MAPDA: variants seen among roughly 807,000 people sequenced by gnomAD.
The protein encoded by MAPDA is N6,N6-dimethyl-AMP deaminase.
the MAPDA span, chr15:43,348,850 A>G: frequency 6.4e-7 from 1 of 1,557,558 alleles, no homozygotes; most frequent in Non-Finnish European, 8.7e-7. Context: ...ATAGAAAAAA[A>G]TACTCTTAAG....
the MAPDA span, chr15:43,352,153 A>T: frequency 2.4e-6 from 1 of 416,512 alleles, no homozygotes; most frequent in African/African-American, 2.0e-5. Flanking sequence ...GTGGGACTTG[A>T]CTGTTGTTGC....
chr15:43,341,415 G>A, the MAPDA span, among the ~76,000 whole-genome samples: 3,348 of 152,224 alleles, frequency 0.022, 54 homozygotes, highest in Middle Eastern at 0.037. Flanking sequence ...TTAAATAAAG[G>A]CTAATGGAAT....
At chr15:43,335,153 T>A in the MAPDA span, 2 of 1,613,908 alleles carry the variant, frequency 1.2e-6, no homozygotes, top group South Asian at 1.1e-5. Context: ...AGACTTCTAT[T>A]CTGAATTGCC....
chr15:43,340,067 G>A, the MAPDA span, among the ~76,000 whole-genome samples: 2 of 152,340 alleles, frequency 1.3e-5, no homozygotes, highest in East Asian at 3.9e-4. Flanking sequence ...GGGGTGATGG[G>A]AGTGATTGGA....
At chr15:43,340,740 G>GT in the MAPDA span, among the ~76,000 whole-genome samples, 1 of 152,152 alleles carries the variant, frequency 6.6e-6, no homozygotes, top group Admixed American at 6.6e-5. Flanking sequence ...TAAAATTCCA[G>GT]TCAGGCATTA....
At chr15:43,332,424 G>C in the MAPDA span, 1 of 151,846 alleles carries the variant, frequency 6.6e-6, no homozygotes, top group African/African-American at 2.4e-5. Context: ...AAAATACGTA[G>C]CACCATAGAA....
chr15:43,349,756 T>G, the MAPDA span, among the ~76,000 whole-genome samples: 1 of 152,236 alleles, frequency 6.6e-6, no homozygotes, highest in Non-Finnish European at 1.5e-5. Context: ...AAAATGCTTG[T>G]GTGAGTATGT....
the MAPDA span, among the ~76,000 whole-genome samples, chr15:43,331,568 A>G: frequency 6.6e-6 from 1 of 152,254 alleles, no homozygotes; most frequent in Admixed American, 6.5e-5. Flanking sequence ...AGATTTGGAT[A>G]CTGGAGTCAA....
chr15:43,337,743 T>G, the MAPDA span, among the ~76,000 whole-genome samples: 1 of 152,226 alleles, frequency 6.6e-6, no homozygotes, highest in Admixed American at 6.5e-5. Context: ...ATTAAGCACC[T>G]TTTAGAGGAG....
chr15:43,330,665 G>A, the MAPDA span: 1 of 688,864 alleles, frequency 1.5e-6, no homozygotes, highest in African/African-American at 1.9e-5. Context: ...CCAGAATTGA[G>A]GAGGGTGTAG....
At chr15:43,347,089 T>G in the MAPDA span, 4 of 1,612,406 alleles carry the variant, frequency 2.5e-6, no homozygotes, top group African/African-American at 5.3e-5. Flanking sequence ...GCATTGCATC[T>G]TTCAGAGGTA....
chr15:43,351,435 A>G, the MAPDA span: 2 of 344,252 alleles, frequency 5.8e-6, no homozygotes, highest in African/African-American at 4.2e-5. Flanking sequence ...AAAACAAACA[A>G]AAAAACTGAT....
chr15:43,348,161 A>G, the MAPDA span, among the ~76,000 whole-genome samples: 1 of 152,214 alleles, frequency 6.6e-6, no homozygotes, highest in African/African-American at 2.4e-5. Context: ...TGGGCTATCT[A>G]GGAGATAAAG....
the MAPDA span, chr15:43,345,883 GC>G: frequency 6.2e-7 from 1 of 1,614,136 alleles, no homozygotes; most frequent in South Asian, 1.1e-5. Flanking sequence ...AGAAGAGGTG[GC>G]CCTTTAGTAG....
chr15:43,340,351 T>C, the MAPDA span: 567,363 of 1,610,814 alleles, frequency 0.35, 112,521 homozygotes, highest in African/African-American at 0.84. Flanking sequence ...AAAATGCTAC[T>C]GGTAGAATTT....
At chr15:43,334,869 G>A in the MAPDA span, 7 of 406,378 alleles carry the variant, frequency 1.7e-5, no homozygotes, top group Non-Finnish European at 2.6e-5. Flanking sequence ...AGGAGCTTTT[G>A]CCTTTTAAAG....
the MAPDA span, chr15:43,352,703 T>G: frequency 7.2e-5 from 11 of 152,290 alleles, no homozygotes; most frequent in African/African-American, 2.2e-4. Context: ...AAACCCTGTT[T>G]CAAGAAAAAG....
chr15:43,342,451 A>G, the MAPDA span, among the ~76,000 whole-genome samples: 1 of 151,134 alleles, frequency 6.6e-6, no homozygotes, highest in East Asian at 1.9e-4. Flanking sequence ...CCTTTTAAAA[A>G]AAAAAAAAAA....
the MAPDA span, chr15:43,354,386 A>G: frequency 6.6e-6 from 1 of 152,206 alleles, no homozygotes; most frequent in Non-Finnish European, 1.5e-5. Flanking sequence ...TGCACAGTAA[A>G]AACATCAAAG....
Sources: allele counts gnomAD v4.1 joint callset (sites outside exome capture counted in the v4.1 genomes callset), GRCh38; gene constraint gnomAD v4.1.1; transcripts MANE v1.5; gene names NCBI Gene and HGNC (gene_info 2026-07-23, HGNC 2026-07-21).